The following PPP2R2B variants were observed in gnomAD, a reference collection of about 807,000 sequenced individuals.
The protein encoded by PPP2R2B is protein phosphatase 2 regulatory subunit Bbeta, also known as serine/threonine-protein phosphatase 2A 55 kDa regulatory subunit B beta isoform.
In PPP2R2B, 5 loss-of-function variants were observed where a neutral mutation model predicts 46.0. That is an observed-to-expected ratio of 0.11 (90% CI 0.06 to 0.23). The LOEUF (loss-of-function observed/expected upper bound fraction) is 0.23, where lower values mean the gene tolerates loss of function less well. Among genes scored for constraint, PPP2R2B ranks in the 10% least tolerant of loss-of-function variants. PPP2R2B has a pLI of 1.00. For synonymous variants in PPP2R2B, 215 were observed against 206.7 expected, an observed-to-expected ratio of 1.04 and a Z score of -0.34; for missense variants, 367 against 575.0, an observed-to-expected ratio of 0.64 and a Z score of 3.70.
intron 2 of PPP2R2B, among the ~76,000 whole-genome samples, chr5:147,075,094 C>T (rs1757724553): frequency 6.6e-6 from 1 of 151,982 alleles, no homozygotes; most frequent in South Asian, 2.1e-4. Flanking sequence ...ATTCTTTTTC[C>T]CTTGTACAAA....
chr5:146,761,107 G>A (rs907922205), intron 2 of PPP2R2B, among the ~76,000 whole-genome samples: 11 of 152,126 alleles, frequency 7.2e-5, no homozygotes, highest in Non-Finnish European at 1.3e-4. Context: ...TCAGTGTGGC[G>A]ATTCCTCAGG....
chr5:147,025,803 TA>T (rs1211108005), intron 1 of PPP2R2B, among the ~76,000 whole-genome samples: 1 of 151,966 alleles, frequency 6.6e-6, no homozygotes, highest in Non-Finnish European at 1.5e-5. Context: ...CAGAGGAAAC[TA>T]AAACTGGAAA....
chr5:146,797,834 T>C (rs555410830), intron 2 of PPP2R2B, among the ~76,000 whole-genome samples: 1 of 152,306 alleles, frequency 6.6e-6, no homozygotes, highest in African/African-American at 2.4e-5. Flanking sequence ...AATTTTCCTT[T>C]TGAAAGCAAG....
rs570601891 is a variant in PPP2R2B at position 146,958,270 on chromosome 5, T to C, written c.79+97395A>G. ...TGTCTCTAGCCCTTATCTGGGTCCT[T>C]GGAGCCCTTTACTCTATTGAATTGT... is the stretch of plus-strand genomic sequence containing the variant. On this transcript the variant is annotated intron_variant, in intron 1 of 8. Transcript: ENST00000336640. 2.0e-5 allele frequency among the ~76,000 whole-genome samples: 3 copies of C among 152,292 alleles called. No individual in the cohort carries two copies. The East Asian group carries it at 5.8e-4, about 29-fold the overall frequency.
At chr5:147,014,431 G>A (rs78043176) in intron 1 of PPP2R2B, among the ~76,000 whole-genome samples, 71,580 of 150,504 alleles carry the variant, frequency 0.48, 18,472 homozygotes, top group Middle Eastern at 0.59. Context: ...AAAGACACAT[G>A]CACACGTATG....
chr5:146,995,562 ATAAAGGT>A (rs1260428322), intron 1 of PPP2R2B, among the ~76,000 whole-genome samples: 1 of 152,218 alleles, frequency 6.6e-6, no homozygotes, highest in Non-Finnish European at 1.5e-5. Context: ...TGGAAAAGAA[ATAAAGGT>A]TACTTTTAGT....
At chr5:146,721,452 GAGAA>G (rs1780791732) in intron 2 of PPP2R2B, among the ~76,000 whole-genome samples, 1 of 152,188 alleles carries the variant, frequency 6.6e-6, no homozygotes, top group Admixed American at 6.5e-5. Flanking sequence ...ATCTTGAGGG[GAGAA>G]AGAGAGAAGG....
At chr5:146,742,086 G>A (rs960491490) in intron 2 of PPP2R2B, among the ~76,000 whole-genome samples, 15 of 152,108 alleles carry the variant, frequency 9.9e-5, no homozygotes, top group Non-Finnish European at 1.6e-4. Context: ...TCTTACAAAG[G>A]AAAATGTTAT....
chr5:146,832,708 T>C (rs186148652), intron 2 of PPP2R2B, among the ~76,000 whole-genome samples: 116 of 152,218 alleles, frequency 7.6e-4, no homozygotes, highest in Non-Finnish European at 1.3e-3. Flanking sequence ...ATCATTTATA[T>C]CATATTTTTA....
At chr5:147,080,921 A>C (rs1757951856) in intron 2 of PPP2R2B, 1 of 749,456 alleles carries the variant, frequency 1.3e-6, no homozygotes, top group South Asian at 1.9e-5. Context: ...GAAGTTATTA[A>C]ATCCATTTCT....
intron 1 of PPP2R2B, among the ~76,000 whole-genome samples, chr5:147,049,295 T>A (rs1008992113): frequency 6.6e-6 from 1 of 152,124 alleles, no homozygotes; most frequent in African/African-American, 2.4e-5. Flanking sequence ...TGAGGATGGC[T>A]CCAATGTTTT....
At chr5:146,795,136 A>T (rs1017030962) in intron 2 of PPP2R2B, among the ~76,000 whole-genome samples, 7 of 152,110 alleles carry the variant, frequency 4.6e-5, no homozygotes, top group African/African-American at 1.7e-4. Context: ...GGCTGGTGAA[A>T]GTACCCACCT....
At chr5:146,626,405 AAC>A (rs1774070222) in intron 7 of PPP2R2B, among the ~76,000 whole-genome samples, 1 of 152,242 alleles carries the variant, frequency 6.6e-6, no homozygotes, top group Non-Finnish European at 1.5e-5. Flanking sequence ...ATGGTCATAA[AAC>A]ACAGACTTAG....
chr5:146,997,720 T>C (rs1753986000), intron 1 of PPP2R2B, among the ~76,000 whole-genome samples: 1 of 152,200 alleles, frequency 6.6e-6, no homozygotes, highest in South Asian at 2.1e-4. Flanking sequence ...GGTAAAATTT[T>C]TAGAATGGAT....
chr5:146,845,904 A>T (rs1386716498), intron 2 of PPP2R2B, among the ~76,000 whole-genome samples: 7 of 152,204 alleles, frequency 4.6e-5, no homozygotes, highest in African/African-American at 1.4e-4. Context: ...CACAGTAGCC[A>T]CTAACCACGG....
intron 2 of PPP2R2B, among the ~76,000 whole-genome samples, chr5:146,739,723 T>C (rs566528280): frequency 1.4e-3 from 210 of 152,328 alleles, no homozygotes; most frequent in Admixed American, 4.8e-3. Flanking sequence ...CTTCTCACAT[T>C]CCATGATCAC....
In PPP2R2B at chr5:146,589,146, A is replaced by G. The variant is rs2150994539; in HGVS notation, c.*801T>C. 6.6e-6 allele frequency: 1 copy of G among 152,404 alleles called. No homozygotes were observed. Among genetic ancestry groups the G allele is most frequent in the Middle Eastern group, 3.4e-3 (1 of 294 alleles). The allele number at this position is 152,404 out of a possible 1,614,324, so 9.4% of individuals were successfully genotyped here. On this transcript the variant is annotated 3_prime_UTR_variant, in exon 10 of 10. Coordinates refer to ENST00000394411, the MANE Select transcript of PPP2R2B (RefSeq NM_181675.4). ...AAGGAACATGTAAGTAGAAGATTAT[A>G]TGGAGCCATTTAAGAGCACAAAAAG...
intron 2 of PPP2R2B, among the ~76,000 whole-genome samples, chr5:146,723,030 G>A (rs1751624715): frequency 2.0e-5 from 3 of 152,162 alleles, no homozygotes; most frequent in Admixed American, 1.3e-4. Context: ...CCTCCAGGAA[G>A]TCTTCCTTGA....
At chr5:147,036,285 G>C (rs1448448070) in intron 1 of PPP2R2B, among the ~76,000 whole-genome samples, 1 of 152,106 alleles carries the variant, frequency 6.6e-6, no homozygotes, top group African/African-American at 2.4e-5. Flanking sequence ...CTGTTCCTGT[G>C]CTAGTTTGCC....
Sources: allele counts gnomAD v4.1 joint callset (sites outside exome capture counted in the v4.1 genomes callset), GRCh38; gene constraint gnomAD v4.1.1; transcripts MANE v1.5; gene names NCBI Gene and HGNC (gene_info 2026-07-23, HGNC 2026-07-21).